Variants in KIAA1549L observed in about 807,000 individuals in gnomAD.
KIAA1549L encodes the protein UPF0606 protein KIAA1549L.
In KIAA1549L, 88 loss-of-function variants were observed where a neutral mutation model predicts 160.7. The observed-to-expected ratio is 0.55, with a 90% CI of 0.46 to 0.65. The LOEUF is 0.65. KIAA1549L is among the 30% of genes least tolerant of loss of function. The pLI, the probability that KIAA1549L is intolerant of heterozygous loss-of-function variation, is 0.00. For missense variants in KIAA1549L, 2,258 were observed against 2,437.5 expected (o/e 0.93, Z 1.55); for synonymous variants, 950 against 976.7 (o/e 0.97, Z 0.51).
chr11:33,561,685 A>G lies in KIAA1549L; in HGVS notation c.4028A>G (p.Tyr1343Cys). The G allele has an allele frequency of 6.2e-7, 1 of 1,608,562 alleles. No homozygotes were observed. Among genetic ancestry groups the G allele is most frequent in the African/African-American group, 1.3e-5 (1 of 74,972 alleles). Residue 1343 changes from tyrosine to cysteine, a missense_variant, in exon 8 of 21, where the codon TAT becomes TGT. Physicochemically the swap from Tyr to Cys is radical, Grantham distance 194. Coordinates refer to ENST00000658780, the MANE Select transcript of KIAA1549L (RefSeq NM_012194.3). The stretch of plus-strand genomic sequence containing the variant: ...TTCTTATTTGTTTTAGCACTGGAAT[A>G]TCCCAACCTTGACATATCAGAAACA... ...PPLTIAEPLEYPNLDISETTR... is the reference protein window; with the variant it reads ...PPLTIAEPLECPNLDISETTR...
intron 1 of KIAA1549L, among the ~76,000 whole-genome samples, chr11:33,513,746 A>C (rs1324639315): frequency 6.6e-6 from 1 of 151,870 alleles, no homozygotes; most frequent in Admixed American, 6.6e-5. Context: ...GCAGACGTTC[A>C]CTCTTGGGCC....
chr11:33,630,453 C>G (rs975431904), intron 16 of KIAA1549L, among the ~76,000 whole-genome samples: 1 of 152,268 alleles, frequency 6.6e-6, no homozygotes, highest in Non-Finnish European at 1.5e-5. Flanking sequence ...GTAGGCCCCT[C>G]CGAGCCAGGT....
chr11:33,669,340 T>C lies in KIAA1549L; in HGVS notation c.*1186T>C, dbSNP rs1383377065. 1.2e-4 allele frequency: 19 copies of C among 152,228 alleles called. No homozygotes were observed. Among genetic ancestry groups the C allele is most frequent in the African/African-American group, 4.1e-4 (17 of 41,450 alleles). The allele number at this position is 152,228 out of a possible 1,614,324, so 9.4% of individuals were successfully genotyped here. A position where few individuals can be genotyped will look rare whatever the true frequency, so the allele number is the denominator to read the frequency against. ...GTGACCATGATGTTGCAAGTTGCCCTCCCTGGCATGGTGAGTTGGCTTCCA... is the reference window on the plus strand; with the variant it reads ...GTGACCATGATGTTGCAAGTTGCCCCCCCTGGCATGGTGAGTTGGCTTCCA... On this transcript the variant is annotated 3_prime_UTR_variant, in exon 21 of 21. Transcript: ENST00000658780.
intron 8 of KIAA1549L, among the ~76,000 whole-genome samples, chr11:33,564,474 G>GA (rs1194867532): frequency 6.6e-6 from 1 of 152,210 alleles, no homozygotes; most frequent in Admixed American, 6.5e-5. Context: ...CTTCTTGATG[G>GA]AAAATCACTG....
intron 1 of KIAA1549L, among the ~76,000 whole-genome samples, chr11:33,499,991 CCTT>C (rs1351354908): frequency 1.3e-5 from 2 of 152,134 alleles, no homozygotes; most frequent in East Asian, 3.8e-4. Flanking sequence ...TGCATCCTAC[CCTT>C]CTTCTTTCAC....
intron 12 of KIAA1549L, among the ~76,000 whole-genome samples, chr11:33,597,295 A>G (rs1342753550): frequency 1.3e-5 from 2 of 152,206 alleles, no homozygotes; most frequent in African/African-American, 4.8e-5. Flanking sequence ...TATCCCATAG[A>G]TATCCCAACT....
In KIAA1549L at chr11:33,397,930, T is replaced by C. The variant is rs1680448739; in HGVS notation, c.238+21041T>C. Among the ~76,000 whole-genome samples the C allele has an allele frequency of 2.7e-5, 4 of 147,478 alleles. No homozygotes were observed. In the South Asian group the frequency reaches 8.7e-4, roughly 32 times the overall value. On this transcript the variant is annotated intron_variant, in intron 1 of 20. Transcript: ENST00000658780. ...TTGGTGGTTGGCCTTTTTTTTTTTT[T>C]TTTTTCTTTTTTTGAGATAGAGTCT...
intron 1 of KIAA1549L, among the ~76,000 whole-genome samples, chr11:33,513,700 C>T (rs1056734955): frequency 2.0e-5 from 3 of 152,294 alleles, no homozygotes; most frequent in South Asian, 2.1e-4. Flanking sequence ...GACAATCTGA[C>T]GGCTGTGAGG....
At chr11:33,399,744 T>C (rs1277211205) in intron 1 of KIAA1549L, among the ~76,000 whole-genome samples, 1 of 152,256 alleles carries the variant, frequency 6.6e-6, no homozygotes, top group Non-Finnish European at 1.5e-5. Flanking sequence ...TTTTTAATTT[T>C]TTTTAAATCC....
chr11:33,624,419 C>A (rs1851040743), intron 16 of KIAA1549L, among the ~76,000 whole-genome samples: 1 of 152,190 alleles, frequency 6.6e-6, no homozygotes, highest in Non-Finnish European at 1.5e-5. Context: ...CAAGCCCCTG[C>A]AGGAGCTGGA....
chr11:33,542,030 C>T lies in KIAA1549L; in HGVS notation c.467C>T (p.Ser156Phe), dbSNP rs755873121. The change falls in exon 2 of 21, where the codon TCT (serine) becomes TTT (phenylalanine). Residue 156 changes from serine to phenylalanine, a missense_variant. By Grantham distance (155) the Ser-to-Phe change is radical. This residue lies in a region of KIAA1549L where 540 missense variants were observed against 465.7 expected (regional missense o/e 1.16). Transcript: ENST00000658780. Reference protein sequence around the residue: ...HHRTRAHADFSSSLYQGSGHS... With the variant: ...HHRTRAHADFFSSLYQGSGHS... Reference sequence around the variant, plus strand: ...AGAACTAGGGCTCACGCGGACTTCTCTTCTTCCCTTTACCAAGGAAGCGGA... The same window carrying T: ...AGAACTAGGGCTCACGCGGACTTCTTTTCTTCCCTTTACCAAGGAAGCGGA... 3.5e-5 allele frequency: 16 copies of T among 459,736 alleles called. No individual in the cohort carries two copies. Among genetic ancestry groups the T allele is most frequent in the African/African-American group, 6.0e-5 (3 of 50,242 alleles). 28.5% of individuals were successfully genotyped at this position (459,736 alleles called of 1,614,324 possible). A position where few individuals can be genotyped will look rare whatever the true frequency, so the allele number is the denominator to read the frequency against.
chr11:33,435,826 A>ATATATATATGTATATATG (rs1554976837), intron 1 of KIAA1549L, among the ~76,000 whole-genome samples: 1 of 60,078 alleles, frequency 1.7e-5, no homozygotes, highest in Non-Finnish European at 3.0e-5. Context: ...GTGTATATAT[A>ATATATATATGTATATATG]TATATGTATA....
chr11:33,415,467 C>G (rs1850869606), intron 1 of KIAA1549L, among the ~76,000 whole-genome samples: 1 of 152,140 alleles, frequency 6.6e-6, no homozygotes, highest in Non-Finnish European at 1.5e-5. Flanking sequence ...CTACTTGGAC[C>G]AGCAAACAAA....
intron 1 of KIAA1549L, among the ~76,000 whole-genome samples, chr11:33,492,301 A>G (rs61887254): frequency 3.3e-5 from 5 of 152,290 alleles, no homozygotes; most frequent in Non-Finnish European, 7.4e-5. Flanking sequence ...CCAGAGACAG[A>G]GGTTGCAGTT....
In KIAA1549L at chr11:33,542,162, G is replaced by A. The variant is rs1293628330; in HGVS notation, c.599G>A (p.Ser200Asn). 1 of 601,572 alleles carries A rather than the reference G, an allele frequency of 1.7e-6. No homozygotes were observed. The highest frequency in any genetic ancestry group is 1.5e-5 in the South Asian group (1 of 65,882). 37.3% of individuals were successfully genotyped at this position (601,572 alleles called of 1,614,324 possible). A position where few individuals can be genotyped will look rare whatever the true frequency, so the allele number is the denominator to read the frequency against. The stretch of plus-strand genomic sequence containing the variant: ...GATGTGTCAGGTTTGCCTCTCACCA[G>A]CATGCTCCCCTCGTTGTCCACAGTC... Reference protein sequence around the residue: ...AADVSGLPLTSMLPSLSTVPS... With the variant: ...AADVSGLPLTNMLPSLSTVPS... Residue 200 changes from serine (S) to asparagine (N), a missense_variant, in exon 2 of 21, where the codon AGC (serine) becomes AAC (asparagine). Physicochemically the swap from Ser to Asn is conservative, Grantham distance 46. Around this residue, in one of 6 missense-constraint regions of KIAA1549L, gnomAD observed 540 missense variants for 465.7 expected, o/e 1.16. Coordinates refer to ENST00000658780, the MANE Select transcript of KIAA1549L (RefSeq NM_012194.3).
chr11:33,623,921 C>G (rs1018430765), intron 16 of KIAA1549L, among the ~76,000 whole-genome samples: 2 of 152,148 alleles, frequency 1.3e-5, no homozygotes, highest in Non-Finnish European at 1.5e-5. Flanking sequence ...CGTTCTGGAC[C>G]CTGTCTGCTC....
chr11:33,422,472 C>G (rs1037984278), intron 1 of KIAA1549L, among the ~76,000 whole-genome samples: 1 of 151,530 alleles, frequency 6.6e-6, no homozygotes, highest in Non-Finnish European at 1.5e-5. Flanking sequence ...CTACTTCCTC[C>G]TTGAGACTCT....
At chr11:33,583,578 G>A in intron 11 of KIAA1549L, 77 bp downstream of exon 11, 1 of 1,357,460 alleles carries the variant, frequency 7.4e-7, no homozygotes, top group Non-Finnish European at 1.0e-6. Context: ...CTTGCCTTTT[G>A]AGGCCATTGC....
chr11:33,579,328 C>T (rs886380946), intron 10 of KIAA1549L, among the ~76,000 whole-genome samples: 8 of 152,046 alleles, frequency 5.3e-5, no homozygotes, highest in East Asian at 1.9e-4. Flanking sequence ...CAATATCCCA[C>T]GGGCATCCCT....
Sources: gnomAD v4.1 joint callset for allele counts (sites outside exome capture counted in the v4.1 genomes callset) on GRCh38, gnomAD v4.1.1 for gene constraint, gnomAD v4.1.1 regional missense constraint, MANE v1.5 for transcripts, NCBI Gene and HGNC (gene_info 2026-07-23, HGNC 2026-07-21) for gene names.